Variants in NDEL1 observed in about 807,000 individuals in gnomAD.
NDEL1 encodes nudE neurodevelopment protein 1 like 1, also known as nuclear distribution protein nudE-like 1.
A neutral mutation model predicts 45.7 loss-of-function variants in NDEL1; 9 were observed. The observed-to-expected ratio is 0.20, with a 90% CI of 0.12 to 0.34. The LOEUF is 0.34. Among genes scored for constraint, NDEL1 ranks in the 10% least tolerant of loss-of-function variants. The pLI, the probability that NDEL1 is intolerant of heterozygous loss-of-function variation, is 1.00. For missense variants in NDEL1, 306 were observed against 406.2 expected (o/e 0.75, Z 2.12); for synonymous variants, 133 against 158.6 (o/e 0.84, Z 1.21).
chr17:8,441,650 A>G (rs1485727426), intron 1 of NDEL1, among the ~76,000 whole-genome samples: 1 of 152,076 alleles, frequency 6.6e-6, no homozygotes, highest in Non-Finnish European at 1.5e-5. Context: ...ACATGTCTTC[A>G]CCACAACCTC....
At chr17:8,425,733 A>AT (rs1368843728) in intron 1 of NDEL1, among the ~76,000 whole-genome samples, 3 of 151,312 alleles carry the variant, frequency 2.0e-5, no homozygotes, top group Non-Finnish European at 4.4e-5. Flanking sequence ...ACCTTGACTA[A>AT]TTTTTTCTCC....
At chr17:8,425,316 C>T (rs761148702) in intron 1 of NDEL1, among the ~76,000 whole-genome samples, 3 of 152,236 alleles carry the variant, frequency 2.0e-5, no homozygotes, top group Admixed American at 1.3e-4. Flanking sequence ...GGCGCAGTGG[C>T]GCATGCCTGT....
chr17:8,470,266 T>C (rs148603989), downstream of NDEL1, among the ~76,000 whole-genome samples: 2 of 152,234 alleles, frequency 1.3e-5, no homozygotes, highest in East Asian at 3.9e-4. The surrounding 1 kb of genome is among the most constrained non-coding windows in gnomAD (Gnocchi z 4.2). Flanking sequence ...TACCTGGTTT[T>C]GCATGGCTCT....
rs1282404424 is a variant in NDEL1, at chr17:8,446,801, G to A, written c.288G>A (p.Val96=). ...QYAQSYKQVS[V]LEDDLSQTRA... is the part of the protein sequence containing the mutation. ...CACAGAGCTATAAGCAGGTCTCAGTGTTAGAAGATGATTTAAGTCAGACTC... is the reference window on the plus strand; with the variant it reads ...CACAGAGCTATAAGCAGGTCTCAGTATTAGAAGATGATTTAAGTCAGACTC... The change falls in exon 4 of 9, where the codon GTG becomes GTA. Residue 96 remains valine, a synonymous_variant. Coordinates refer to ENST00000334527, the MANE Select transcript of NDEL1 (RefSeq NM_030808.5). 1 of 1,614,134 alleles carries A rather than the reference G, an allele frequency of 6.2e-7. No individual in the cohort carries two copies. Among genetic ancestry groups the A allele is most frequent in the Admixed American group, 1.7e-5 (1 of 60,016 alleles).
intron 8 of NDEL1, chr17:8,463,191 G>A (rs1911331465): frequency 3.2e-6 from 2 of 630,620 alleles, no homozygotes; most frequent in Admixed American, 3.1e-5. Context: ...TAGGTAACAT[G>A]TGCTCTATTT....
chr17:8,458,302 T>C (rs1018280543), intron 7 of NDEL1, among the ~76,000 whole-genome samples: 1 of 152,160 alleles, frequency 6.6e-6, no homozygotes, highest in Admixed American at 6.5e-5. Context: ...TTGGTTTTAC[T>C]CAGAGTTCTG....
chr17:8,469,990 G>C (rs1310441471), downstream of NDEL1, among the ~76,000 whole-genome samples: 1 of 151,670 alleles, frequency 6.6e-6, no homozygotes, highest in Non-Finnish European at 1.5e-5. Flanking sequence ...TTACAGGTGT[G>C]GGCCACCGTG....
chr17:8,423,193 G>A (rs1908746304), intron 1 of NDEL1, among the ~76,000 whole-genome samples: 1 of 152,060 alleles, frequency 6.6e-6, no homozygotes, highest in South Asian at 2.1e-4. Flanking sequence ...TTCGAAAATG[G>A]TCACCAGACA....
intron 1 of NDEL1, among the ~76,000 whole-genome samples, chr17:8,428,818 C>CG (rs1908924652): frequency 1.3e-5 from 2 of 152,138 alleles, no homozygotes; most frequent in Middle Eastern, 3.4e-3. Flanking sequence ...GGACTACGGG[C>CG]TCCTGCCACC....
intron 6 of NDEL1, 50 bp downstream of exon 6, chr17:8,451,003 C>T (rs72841791): frequency 0.058 from 89,079 of 1,533,430 alleles, 2,953 homozygotes; most frequent in Non-Finnish European, 0.067. Context: ...GATCAGCTTA[C>T]GGGGGTTTGT....
intron 1 of NDEL1, among the ~76,000 whole-genome samples, chr17:8,417,139 C>CA (rs1325330292): frequency 6.6e-6 from 1 of 151,846 alleles, no homozygotes; most frequent in Non-Finnish European, 1.5e-5. Flanking sequence ...TTTTTCGAGA[C>CA]AGACTCTTGC....
chr17:8,422,964 C>T (rs976079786), intron 1 of NDEL1, among the ~76,000 whole-genome samples: 14 of 151,850 alleles, frequency 9.2e-5, no homozygotes, highest in Admixed American at 6.5e-4. Context: ...CTCCTGACCT[C>T]GTGATCCACC....
At chr17:8,447,453 GTATT>G (rs1211315245) in intron 4 of NDEL1, among the ~76,000 whole-genome samples, 1 of 152,090 alleles carries the variant, frequency 6.6e-6, no homozygotes, top group Non-Finnish European at 1.5e-5. Context: ...TAGGTTTTGT[GTATT>G]TATTTATTTT....
At chr17:8,448,386 A>G (rs376380421) in intron 4 of NDEL1, among the ~76,000 whole-genome samples, 164 bp from the exon 5 acceptor site, 22 of 152,222 alleles carry the variant, frequency 1.4e-4, no homozygotes, top group East Asian at 1.2e-3. Context: ...TGATAGAGAC[A>G]CTACGTGCCA....
chr17:8,428,328 GTGTGTGT>G lies in NDEL1; in HGVS notation c.-13+15060_-13+15066del, dbSNP rs1567721170. ...CTCAAGGCTCAAGTGTGTGTGGTGT[GTGTGTGT>G]GTGTGTGTGTGTGTGTGTGTGTGTG... On this transcript the variant is annotated intron_variant, in intron 1 of 4. Coordinates refer to the NDEL1 transcript ENST00000582812. Among the ~76,000 whole-genome samples, 185 of 130,560 alleles carry G rather than the reference GTGTGTGT, an allele frequency of 1.4e-3. 4 individuals are homozygous for G. Among genetic ancestry groups the G allele is most frequent in the Middle Eastern group, 0.012 (3 of 260 alleles). The allele number at this position is 130,560 out of a possible 152,430, so 85.7% of individuals were successfully genotyped here. A position where few individuals can be genotyped will look rare whatever the true frequency, so the allele number is the denominator to read the frequency against.
In NDEL1 at chr17:8,417,396, A is replaced by G. The variant is rs1028116709; in HGVS notation, c.-13+4127A>G. Among the ~76,000 whole-genome samples, 4 of 152,054 alleles carry G rather than the reference A, an allele frequency of 2.6e-5. No homozygotes were observed. The East Asian group carries it at 7.7e-4, about 29-fold the overall frequency. On this transcript the variant is annotated intron_variant, in intron 1 of 4. Transcript: ENST00000582812. The stretch of plus-strand genomic sequence containing the variant: ...TTTTTCTTTTTCTTTTCCTGAACCT[A>G]TGGATTATATTGAAGCCCTTGAATT...
chr17:8,442,255 A>G (rs576779899), intron 1 of NDEL1, among the ~76,000 whole-genome samples: 200 of 152,320 alleles, frequency 1.3e-3, no homozygotes, highest in African/African-American at 4.6e-3. Context: ...TAGGTTTTCT[A>G]ATATTGATTT....
intron 1 of NDEL1, among the ~76,000 whole-genome samples, chr17:8,424,740 G>C (rs1976347): frequency 0.014 from 2,119 of 152,150 alleles, 42 homozygotes; most frequent in African/African-American, 0.048. Context: ...TCCTGACCTC[G>C]TGATCCACCC....
At chr17:8,461,023 C>CA (rs1352598688) in intron 8 of NDEL1, 2 of 152,136 alleles carry the variant, frequency 1.3e-5, no homozygotes, top group African/African-American at 4.8e-5. Context: ...CTGGGATGCT[C>CA]ACGGTGTTGC....
Sources: allele counts gnomAD v4.1 joint callset (sites outside exome capture counted in the v4.1 genomes callset), GRCh38; gene constraint gnomAD v4.1.1; non-coding constraint Gnocchi (gnomAD v3.1); transcripts MANE v1.5; gene names NCBI Gene and HGNC (gene_info 2026-07-23, HGNC 2026-07-21).